The following KCNIP4 variants were observed in gnomAD, a reference collection of about 807,000 sequenced individuals.
KCNIP4 encodes the protein potassium voltage-gated channel interacting protein 4.
In KCNIP4, 12 loss-of-function variants were observed where a neutral mutation model predicts 34.0. The ratio of observed to expected loss-of-function variants is 0.35; its 90% CI spans 0.23 to 0.57. The LOEUF (loss-of-function observed/expected upper bound fraction) is 0.57. KCNIP4 is among the 20% of genes least tolerant of loss of function. The pLI, the probability that KCNIP4 is intolerant of heterozygous loss-of-function variation, is 0.83. For missense variants in KCNIP4, 238 were observed against 311.7 expected (o/e 0.76, Z 1.78); for synonymous variants, 124 against 102.2 (o/e 1.21, Z -1.29).
intron 1 of KCNIP4, among the ~76,000 whole-genome samples, chr4:21,581,446 G>A (rs1430793450): frequency 6.6e-6 from 1 of 151,960 alleles, no homozygotes; most frequent in Non-Finnish European, 1.5e-5. Flanking sequence ...AAGAAGATAG[G>A]AAGGTAACGG....
At chr4:21,168,237 G>C (rs991997307) in intron 1 of KCNIP4, among the ~76,000 whole-genome samples, 52 of 152,288 alleles carry the variant, frequency 3.4e-4, no homozygotes, top group African/African-American at 1.1e-3. Context: ...TCTTGGTAAT[G>C]TGATGGTGTT....
intron 1 of KCNIP4, among the ~76,000 whole-genome samples, chr4:21,711,126 G>A (rs112421856): frequency 5.5e-4 from 83 of 152,198 alleles, no homozygotes; most frequent in African/African-American, 1.8e-3. Context: ...GGTAGATTTC[G>A]TTTGTATAAC....
chr4:21,134,510 G>A (rs1034435224), intron 1 of KCNIP4, among the ~76,000 whole-genome samples: 4 of 152,108 alleles, frequency 2.6e-5, no homozygotes, highest in Admixed American at 6.6e-5. Flanking sequence ...ACTGCAAACG[G>A]GGGTCAGCAT....
At chr4:21,526,840 GA>G in intron 1 of KCNIP4, among the ~76,000 whole-genome samples, 1 of 152,272 alleles carries the variant, frequency 6.6e-6, no homozygotes, top group Middle Eastern at 3.4e-3. Flanking sequence ...TCTACTCATT[GA>G]AACAACTCAC....
intron 1 of KCNIP4, among the ~76,000 whole-genome samples, chr4:21,562,952 G>A (rs562307750): frequency 2.2e-4 from 34 of 152,048 alleles, no homozygotes; most frequent in African/African-American, 7.2e-4. Flanking sequence ...CTTAATTACT[G>A]TTACCTTTGA....
chr4:21,040,219 A>G (rs1741837171), intron 1 of KCNIP4, among the ~76,000 whole-genome samples: 1 of 152,194 alleles, frequency 6.6e-6, no homozygotes, highest in Non-Finnish European at 1.5e-5. Flanking sequence ...CATGCTCCAA[A>G]GAATTGCTAG....
At chr4:21,272,694 AC>A (rs1762223129) in intron 1 of KCNIP4, among the ~76,000 whole-genome samples, 1 of 152,138 alleles carries the variant, frequency 6.6e-6, no homozygotes, top group South Asian at 2.1e-4. Flanking sequence ...AACAATTCAC[AC>A]CTTCATAAGC....
At chr4:21,509,966 A>C (rs1734168819) in intron 1 of KCNIP4, among the ~76,000 whole-genome samples, 1 of 151,672 alleles carries the variant, frequency 6.6e-6, no homozygotes, top group Non-Finnish European at 1.5e-5. Flanking sequence ...AAAAATACAA[A>C]AATTAGCTGG....
chr4:21,823,519 AC>A (rs67601210), intron 1 of KCNIP4, among the ~76,000 whole-genome samples: 52,112 of 148,088 alleles, frequency 0.35, 10,414 homozygotes, highest in East Asian at 0.63. Context: ...AAAAAAAAAA[AC>A]AAAAAAACTA....
chr4:21,915,896 A>G (rs1728601647), intron 1 of KCNIP4, among the ~76,000 whole-genome samples: 1 of 152,162 alleles, frequency 6.6e-6, no homozygotes, highest in Non-Finnish European at 1.5e-5. Flanking sequence ...TTTGTAAACA[A>G]CCACAGGTGT....
chr4:21,834,928 T>C (rs1446652215), intron 1 of KCNIP4, among the ~76,000 whole-genome samples: 7 of 152,132 alleles, frequency 4.6e-5, no homozygotes, highest in Non-Finnish European at 1.0e-4. Context: ...CAGCCTTGCA[T>C]CCCAGGGATG....
rs552526133 is a variant in KCNIP4, at chr4:21,510,660, C to T, written c.61+437911G>A. ...ACTCTCTAAGCCTCAGTTTCCTCAT[C>T]TCTAAAATAAAGCTAATATGTTGAC... On this transcript the variant is annotated intron_variant, in intron 1 of 8. Transcript: ENST00000382152. 2.8e-4 allele frequency among the ~76,000 whole-genome samples: 43 copies of T among 152,192 alleles called. 1 individual carries two copies. The South Asian group carries it at 3.3e-3, about 12-fold the overall frequency.
intron 1 of KCNIP4, among the ~76,000 whole-genome samples, chr4:21,290,758 A>G (rs1251878915): frequency 1.3e-5 from 2 of 152,164 alleles, no homozygotes; most frequent in Admixed American, 6.5e-5. Context: ...TGGGACCTAA[A>G]AGAGGCAGCC....
chr4:21,519,408 A>G (rs868857481), intron 1 of KCNIP4, among the ~76,000 whole-genome samples: 13 of 128,822 alleles, frequency 1.0e-4, no homozygotes, highest in Admixed American at 3.1e-4. Flanking sequence ...ATGTGTGTAT[A>G]TGTATGTGTA....
chr4:21,074,602 T>G (rs1311588322), intron 1 of KCNIP4, among the ~76,000 whole-genome samples: 1 of 152,194 alleles, frequency 6.6e-6, no homozygotes, highest in Non-Finnish European at 1.5e-5. Flanking sequence ...CTGGAGTCAT[T>G]GATTTTTTGA....
chr4:21,558,571 G>A (rs1299283662), intron 1 of KCNIP4, among the ~76,000 whole-genome samples: 1 of 151,526 alleles, frequency 6.6e-6, no homozygotes, highest in African/African-American at 2.4e-5. Context: ...ATTTAAATTT[G>A]CCAAAAGAAA....
intron 1 of KCNIP4, among the ~76,000 whole-genome samples, chr4:21,620,995 C>T (rs1744961382): frequency 6.6e-6 from 1 of 152,182 alleles, no homozygotes; most frequent in Admixed American, 6.5e-5. Flanking sequence ...AACCTTCCTA[C>T]TTTTTCTTCT....
chr4:21,236,022 C>T (rs375910820), intron 1 of KCNIP4, among the ~76,000 whole-genome samples: 5 of 152,084 alleles, frequency 3.3e-5, no homozygotes, highest in African/African-American at 4.8e-5. Flanking sequence ...TTGCTGGGCA[C>T]GGTGGCTCAT....
intron 1 of KCNIP4, among the ~76,000 whole-genome samples, chr4:21,053,990 T>C (rs1743164660): frequency 6.6e-6 from 1 of 152,200 alleles, no homozygotes; most frequent in Non-Finnish European, 1.5e-5. Context: ...CAAGTTATTT[T>C]GTAGATATTG....
Sources: allele counts gnomAD v4.1 joint callset (sites outside exome capture counted in the v4.1 genomes callset), GRCh38; gene constraint gnomAD v4.1.1; transcripts MANE v1.5; gene names NCBI Gene and HGNC (gene_info 2026-07-23, HGNC 2026-07-21).